Variants in RALGAPA1 observed in about 807,000 individuals in gnomAD.
The protein encoded by RALGAPA1 is Ral GTPase activating protein catalytic subunit alpha 1.
Under a neutral mutation model 269.6 loss-of-function variants are expected in RALGAPA1, and 52 were observed. The ratio of observed to expected loss-of-function variants is 0.19; its 90% CI spans 0.15 to 0.24. RALGAPA1 has a LOEUF of 0.24. RALGAPA1 is among the 10% of genes least tolerant of loss of function. RALGAPA1 has a pLI of 1.00. For missense variants in RALGAPA1, 1,917 were observed against 3,013.9 expected, an observed-to-expected ratio of 0.64 and a Z score of 8.52; for synonymous variants, 817 against 1,008.3, an observed-to-expected ratio of 0.81 and a Z score of 3.60.
chr14:35,757,034 T>A, intron 6 of RALGAPA1, 126 bp from the exon 7 acceptor site: 1 of 610,706 alleles, frequency 1.6e-6, no homozygotes, highest in Non-Finnish European at 2.3e-6. Context: ...TTCTAATGAC[T>A]GATCCTTGAA....
At chr14:35,718,253 T>C (rs965899559) in intron 16 of RALGAPA1, among the ~76,000 whole-genome samples, 2 of 152,256 alleles carry the variant, frequency 1.3e-5, no homozygotes, top group African/African-American at 4.8e-5. Flanking sequence ...TGTTCACAAC[T>C]ATATCCTTAA....
At chr14:35,799,152 G>A (rs2076792079) in intron 1 of RALGAPA1, among the ~76,000 whole-genome samples, 1 of 152,122 alleles carries the variant, frequency 6.6e-6, no homozygotes, top group Admixed American at 6.6e-5. Context: ...TAAAATATAT[G>A]ACAACAAAAG....
Position 35,809,158 on chromosome 14 carries a change from C to G in RALGAPA1, c.-323G>C. The G allele has an allele frequency of 3.4e-6, 1 of 291,766 alleles. No individual in the cohort carries two copies. Among genetic ancestry groups the G allele is most frequent in the Non-Finnish European group, 6.3e-6 (1 of 159,740 alleles). The allele number at this position is 291,766 out of a possible 1,614,324, so 18.1% of individuals were successfully genotyped here. A position where few individuals can be genotyped will look rare whatever the true frequency, so the allele number is the denominator to read the frequency against. ...CTCCAGCGGCCGCCGCTCGCCGCCA[C>G]AGGCCGGGGCCCCGGACCCAGAGCC... On this transcript the variant is annotated 5_prime_UTR_variant, in exon 1 of 42. Coordinates refer to ENST00000680220, the MANE Select transcript of RALGAPA1 (RefSeq NM_001346249.2).
At chr14:35,558,559 G>T (rs1273034299) in intron 39 of RALGAPA1, among the ~76,000 whole-genome samples, 1 of 152,136 alleles carries the variant, frequency 6.6e-6, no homozygotes, top group South Asian at 2.1e-4. Flanking sequence ...ATTACTACAG[G>T]TGGTTGCTTA....
rs141586552 is a variant in RALGAPA1 at position 35,643,211 on chromosome 14, T to C, written c.5677-7613A>G. Reference sequence around the variant, plus strand: ...GTGGGGGGAGGCGGGAGGGATAGCATTAGGAAATATACCTAATGTAAATGA... The same window carrying C: ...GTGGGGGGAGGCGGGAGGGATAGCACTAGGAAATATACCTAATGTAAATGA... On this transcript the variant is annotated intron_variant, in intron 31 of 41. Transcript: ENST00000680220. 5.1e-3 allele frequency among the ~76,000 whole-genome samples: 770 copies of C among 152,102 alleles called. 3 individuals carry two copies. Among genetic ancestry groups the C allele is most frequent in the African/African-American group, 0.018 (734 of 41,500 alleles).
chr14:35,617,618 T>C (rs1482191545), intron 35 of RALGAPA1, among the ~76,000 whole-genome samples: 1 of 50,766 alleles, frequency 2.0e-5, no homozygotes, highest in African/African-American at 1.0e-4. Context: ...AACTCCATCC[T>C]GTGTGTGTGT....
At chr14:35,745,763 CAAAAAAAA>C (rs1157650791) in intron 10 of RALGAPA1, among the ~76,000 whole-genome samples, 2 of 33,138 alleles carry the variant, frequency 6.0e-5, no homozygotes, top group African/African-American at 2.3e-4. Flanking sequence ...GACTCCATCT[CAAAAAAAA>C]AAAAAAAAAA....
chr14:35,723,411 G>T lies in RALGAPA1; in HGVS notation c.1867-147C>A, dbSNP rs188902558. On this transcript the variant is annotated intron_variant, in intron 14 of 41. Transcript: ENST00000680220. ...TTAATAGATAATACTACTTGTAAAAGCAATTCATGCAATCATTAGAATCTA... is the reference window on the plus strand; with the variant it reads ...TTAATAGATAATACTACTTGTAAAATCAATTCATGCAATCATTAGAATCTA... 4.0e-3 allele frequency: 2,031 copies of T among 510,014 alleles called. 7 individuals carry two copies. Among genetic ancestry groups the T allele is most frequent in the Non-Finnish European group, 5.5e-3 (1,573 of 286,144 alleles). The allele number at this position is 510,014 out of a possible 1,614,324, so 31.6% of individuals were successfully genotyped here. A position where few individuals can be genotyped will look rare whatever the true frequency, so the allele number is the denominator to read the frequency against.
chr14:35,734,923 T>C (rs887340511), intron 12 of RALGAPA1, among the ~76,000 whole-genome samples: 10 of 151,384 alleles, frequency 6.6e-5, no homozygotes, highest in African/African-American at 2.2e-4. Flanking sequence ...AAAGAAGATA[T>C]GCAAATGGCC....
intron 10 of RALGAPA1, among the ~76,000 whole-genome samples, chr14:35,747,023 A>G (rs978225544): frequency 4.6e-5 from 7 of 151,788 alleles, no homozygotes; most frequent in Admixed American, 3.3e-4. Flanking sequence ...AAAACAAACA[A>G]GGGATAGGGC....
intron 4 of RALGAPA1, among the ~76,000 whole-genome samples, chr14:35,764,527 AG>A (rs1489108353): frequency 1.3e-5 from 2 of 150,880 alleles, no homozygotes; most frequent in African/African-American, 4.9e-5. Flanking sequence ...GATGCAGATA[AG>A]TTTTATTTAT....
chr14:35,796,486 T>G (rs988724431), intron 1 of RALGAPA1, among the ~76,000 whole-genome samples: 8 of 152,106 alleles, frequency 5.3e-5, no homozygotes, highest in Non-Finnish European at 8.8e-5. Flanking sequence ...TGACCAAAAT[T>G]TTTCCAAGTT....
intron 17 of RALGAPA1, among the ~76,000 whole-genome samples, chr14:35,695,986 T>C (rs1285119945): frequency 6.6e-6 from 1 of 152,216 alleles, no homozygotes; most frequent in Non-Finnish European, 1.5e-5. Context: ...AGCCAACATA[T>C]TGTATCAAAT....
chr14:35,730,701 C>T (rs975254490), intron 12 of RALGAPA1, among the ~76,000 whole-genome samples: 1 of 152,088 alleles, frequency 6.6e-6, no homozygotes, highest in African/African-American at 2.4e-5. Flanking sequence ...GGGAACCTCA[C>T]CCCCATCCCT....
chr14:35,790,790 A>G (rs1236174426), intron 1 of RALGAPA1, among the ~76,000 whole-genome samples: 1 of 152,182 alleles, frequency 6.6e-6, no homozygotes, highest in Non-Finnish European at 1.5e-5. Flanking sequence ...TATTACGTAA[A>G]AATCAGGTCA....
chr14:35,699,786 AG>A (rs1295102826), intron 17 of RALGAPA1, among the ~76,000 whole-genome samples: 1 of 152,092 alleles, frequency 6.6e-6, no homozygotes, highest in Non-Finnish European at 1.5e-5. Context: ...GGAAATTAAA[AG>A]TCAATGCTCT....
At chr14:35,670,893 A>G (rs2064357136) in intron 26 of RALGAPA1, among the ~76,000 whole-genome samples, 1 of 151,868 alleles carries the variant, frequency 6.6e-6, no homozygotes, top group Admixed American at 6.6e-5. Flanking sequence ...ACTGCACTCC[A>G]GCCTGGGCGA....
intron 1 of RALGAPA1, among the ~76,000 whole-genome samples, chr14:35,795,109 T>C (rs1004781058): frequency 6.6e-6 from 1 of 152,162 alleles, no homozygotes; most frequent in Non-Finnish European, 1.5e-5. Context: ...TCAGCATGTA[T>C]GGACATCAGG....
intron 41 of RALGAPA1, among the ~76,000 whole-genome samples, chr14:35,545,803 G>C (rs1287581275): frequency 6.6e-6 from 1 of 151,928 alleles, no homozygotes; most frequent in Non-Finnish European, 1.5e-5. Flanking sequence ...ATATTGAAAA[G>C]ACAATATAAC....
Sources: gnomAD v4.1 joint callset for allele counts (sites outside exome capture counted in the v4.1 genomes callset) on GRCh38, gnomAD v4.1.1 for gene constraint, MANE v1.5 for transcripts, NCBI Gene and HGNC (gene_info 2026-07-23, HGNC 2026-07-21) for gene names.